Variants in CTXN2 observed in about 807,000 individuals in gnomAD.
The protein encoded by CTXN2 is cortexin-2.
A neutral mutation model predicts 5.7 loss-of-function variants in CTXN2; 3 were observed. The observed-to-expected ratio is 0.53, with a 90% CI of 0.24 to 1.36. CTXN2 has a LOEUF of 1.36. Among genes scored for constraint, CTXN2 ranks in the 40% most tolerant of loss-of-function variants. The pLI, the probability that CTXN2 is intolerant of heterozygous loss-of-function variation, is 0.17. For missense variants in CTXN2, 87 were observed against 93.0 expected (o/e 0.94, Z 0.26); for synonymous variants, 38 against 36.4 (o/e 1.04, Z -0.16).
At chr15:48,198,814 A>G (rs975874672) in intron 1 of CTXN2, among the ~76,000 whole-genome samples, 4 of 152,228 alleles carry the variant, frequency 2.6e-5, no homozygotes. Context: ...TGCATTTTCA[A>G]AACACCTAAA....
intron 1 of CTXN2, among the ~76,000 whole-genome samples, chr15:48,194,944 C>G (rs1438920171): frequency 6.6e-6 from 1 of 152,092 alleles, no homozygotes; most frequent in African/African-American, 2.4e-5. Flanking sequence ...CTCTCTCCAT[C>G]CTGTATAAAG....
intron 1 of CTXN2, among the ~76,000 whole-genome samples, chr15:48,186,610 G>A (rs1055614048): frequency 3.3e-5 from 5 of 152,076 alleles, no homozygotes; most frequent in Non-Finnish European, 2.9e-5. Flanking sequence ...TTTAAAATAT[G>A]TAGGAGTTGG....
chr15:48,198,074 C>A (rs537322177), intron 1 of CTXN2, among the ~76,000 whole-genome samples: 86 of 152,150 alleles, frequency 5.7e-4, no homozygotes, highest in African/African-American at 1.9e-3. Flanking sequence ...GGCTATATAC[C>A]TTTCCTTAGA....
At position 48,202,428 on chromosome 15, in the gene CTXN2, T is replaced by C. The variant is rs2040936337; in HGVS notation, c.*882T>C. 2.4e-5 allele frequency: 4 copies of C among 167,114 alleles called. No individual in the cohort carries two copies. The South Asian group carries it at 8.3e-4, about 35-fold the overall frequency. The allele number at this position is 167,114 out of a possible 1,614,324, so 10.4% of individuals were successfully genotyped here. A position where few individuals can be genotyped will look rare whatever the true frequency, so the allele number is the denominator to read the frequency against. On this transcript the variant is annotated 3_prime_UTR_variant, in exon 2 of 2. Transcript: ENST00000417307. ...AAATGTATCTGAAAACCCAGAGATC[T>C]GAAATGAATGAGGATTTAAGATATC...
chr15:48,185,230 C>G (rs1293648460), intron 1 of CTXN2, among the ~76,000 whole-genome samples: 2 of 152,122 alleles, frequency 1.3e-5, no homozygotes, highest in Non-Finnish European at 2.9e-5. Context: ...ACATTATACA[C>G]TATTCAAAAC....
At chr15:48,186,697 G>A (rs1012064016), upstream of CTXN2, among the ~76,000 whole-genome samples, 6 of 151,876 alleles carry the variant, frequency 4.0e-5, no homozygotes, top group African/African-American at 9.7e-5. Context: ...TCAGGAGTTC[G>A]AGACCAGCCT....
At chr15:48,197,594 T>G (rs1014572443) in intron 1 of CTXN2, among the ~76,000 whole-genome samples, 3 of 152,098 alleles carry the variant, frequency 2.0e-5, no homozygotes, top group African/African-American at 7.2e-5. Flanking sequence ...GGTTAATGAA[T>G]AAATTAAAAT....
chr15:48,184,572 T>G (rs2040730075), intron 1 of CTXN2, among the ~76,000 whole-genome samples: 1 of 151,514 alleles, frequency 6.6e-6, no homozygotes, highest in Non-Finnish European at 1.5e-5. Flanking sequence ...GTACTGGGGG[T>G]TGAAAATTGG....
At chr15:48,181,820 T>C (rs1269649336) in intron 1 of CTXN2, among the ~76,000 whole-genome samples, 4 of 152,190 alleles carry the variant, frequency 2.6e-5, no homozygotes, top group Non-Finnish European at 5.9e-5. Flanking sequence ...AAGTATGGTA[T>C]AATTTTTAAG....
chr15:48,196,336 G>A (rs556829176), intron 1 of CTXN2, among the ~76,000 whole-genome samples: 2 of 152,104 alleles, frequency 1.3e-5, no homozygotes, highest in African/African-American at 4.8e-5. Flanking sequence ...TGTCTTGAGT[G>A]TTTTTTCCAT....
At chr15:48,190,043 A>G (rs1398586622), upstream of CTXN2, 1 of 152,240 alleles carries the variant, frequency 6.6e-6, no homozygotes, top group Non-Finnish European at 1.5e-5. Context: ...TCCTCACCTC[A>G]GGTGATCCTC....
In CTXN2 at chr15:48,201,764, T is replaced by C; in HGVS notation, c.*218T>C. The C allele has an allele frequency of 1.8e-6, 1 of 555,962 alleles. No individual in the cohort carries two copies. The highest frequency in any genetic ancestry group is 2.3e-5 in the South Asian group (1 of 42,720). The allele number at this position is 555,962 out of a possible 1,614,324, so 34.4% of individuals were successfully genotyped here. A position where few individuals can be genotyped will look rare whatever the true frequency, so the allele number is the denominator to read the frequency against. On this transcript the variant is annotated 3_prime_UTR_variant, in exon 2 of 2. Coordinates refer to ENST00000417307, the MANE Select transcript of CTXN2 (RefSeq NM_001145668.2). ...TTAGAGGTTTCCAATGAATAGAGCA[T>C]AAGGATGGCTGCCGCCATGTTTACC...
At chr15:48,186,774 A>G (rs1488506931), upstream of CTXN2, among the ~76,000 whole-genome samples, 1 of 151,844 alleles carries the variant, frequency 6.6e-6, no homozygotes, top group Non-Finnish European at 1.5e-5. Context: ...GCCAGGCCTG[A>G]TGGCATGTGC....
At chr15:48,197,594 T>C (rs1014572443) in intron 1 of CTXN2, among the ~76,000 whole-genome samples, 2 of 152,098 alleles carry the variant, frequency 1.3e-5, no homozygotes, top group Non-Finnish European at 2.9e-5. Flanking sequence ...GGTTAATGAA[T>C]AAATTAAAAT....
At chr15:48,199,375 C>T (rs555691952) in intron 1 of CTXN2, among the ~76,000 whole-genome samples, 4 of 152,124 alleles carry the variant, frequency 2.6e-5, no homozygotes, top group Non-Finnish European at 4.4e-5. Flanking sequence ...GAAACCACAG[C>T]GTCCATCCAT....
intron 1 of CTXN2, among the ~76,000 whole-genome samples, chr15:48,193,767 T>C (rs1474446814): frequency 2.0e-5 from 3 of 152,158 alleles, no homozygotes; most frequent in Non-Finnish European, 4.4e-5. Flanking sequence ...AATATTTTCA[T>C]ATCATATTAT....
chr15:48,182,923 A>G (rs1013624744), intron 1 of CTXN2, among the ~76,000 whole-genome samples: 4 of 152,130 alleles, frequency 2.6e-5, no homozygotes, highest in African/African-American at 9.7e-5. Flanking sequence ...AAGTCTCAAG[A>G]CTTCCTTGTG....
chr15:48,188,823 A>G (rs1475082127), upstream of CTXN2, among the ~76,000 whole-genome samples: 1 of 152,186 alleles, frequency 6.6e-6, no homozygotes, highest in Non-Finnish European at 1.5e-5. Flanking sequence ...AGATATTGGC[A>G]AGGACCTGAA....
chr15:48,194,993 A>T (rs902820419), intron 1 of CTXN2, among the ~76,000 whole-genome samples: 1 of 152,194 alleles, frequency 6.6e-6, no homozygotes, highest in Non-Finnish European at 1.5e-5. Flanking sequence ...ATACCTTAAA[A>T]TATTCTCCCC....
Sources: allele counts gnomAD v4.1 joint callset (sites outside exome capture counted in the v4.1 genomes callset), GRCh38; gene constraint gnomAD v4.1.1; transcripts MANE v1.5; gene names NCBI Gene and HGNC (gene_info 2026-07-23, HGNC 2026-07-21).